The following QTGAL variants were observed in gnomAD, a reference collection of about 807,000 sequenced individuals.
QTGAL encodes BGnT-like protein 1.
chr17:82,982,608 G>T, the QTGAL span, among the ~76,000 whole-genome samples: 1 of 131,588 alleles, frequency 7.6e-6, no homozygotes, highest in East Asian at 2.1e-4. Flanking sequence ...ACCAAATCTG[G>T]TGCCTTGATC....
the QTGAL span, among the ~76,000 whole-genome samples, chr17:83,011,938 C>T: frequency 4.0e-5 from 6 of 151,138 alleles, no homozygotes; most frequent in African/African-American, 1.5e-4. Flanking sequence ...ACACACGCCA[C>T]GAACTCCTCG....
chr17:82,948,837 T>C, the QTGAL span: 1 of 152,234 alleles, frequency 6.6e-6, no homozygotes, highest in South Asian at 2.1e-4. Flanking sequence ...AATTAAAAAC[T>C]AGAAATCCCA....
chr17:82,987,439 G>C, the QTGAL span, among the ~76,000 whole-genome samples: 1 of 152,120 alleles, frequency 6.6e-6, no homozygotes, highest in Non-Finnish European at 1.5e-5. Flanking sequence ...AAACACTCAA[G>C]TACACTAATG....
chr17:82,961,054 C>T, the QTGAL span: 1 of 1,607,862 alleles, frequency 6.2e-7, no homozygotes, highest in Middle Eastern at 2.0e-4. Flanking sequence ...GGGGCTGACT[C>T]ACTCGAGGAC....
chr17:83,032,035 C>T, the QTGAL span, among the ~76,000 whole-genome samples: 1 of 152,142 alleles, frequency 6.6e-6, no homozygotes, highest in Non-Finnish European at 1.5e-5. Context: ...ACAACCGGGT[C>T]AGACCAGGCC....
At chr17:82,964,406 T>A in the QTGAL span, among the ~76,000 whole-genome samples, 1 of 151,442 alleles carries the variant, frequency 6.6e-6, no homozygotes. Flanking sequence ...GTGAAAAGGG[T>A]TAGAAAGACT....
chr17:83,045,137 T>A, the QTGAL span, among the ~76,000 whole-genome samples: 7 of 152,316 alleles, frequency 4.6e-5, no homozygotes, highest in East Asian at 1.2e-3. Context: ...GTTTATCCCC[T>A]AGAAATGAGC....
chr17:82,970,584 C>T, the QTGAL span, among the ~76,000 whole-genome samples: 2,176 of 44,678 alleles, frequency 0.049, 297 homozygotes, highest in African/African-American at 0.14. Context: ...GGCGTGGCCG[C>T]GACCTCCGCA....
At chr17:83,028,449 CA>C in the QTGAL span, among the ~76,000 whole-genome samples, 1 of 147,290 alleles carries the variant, frequency 6.8e-6, no homozygotes, top group African/African-American at 2.5e-5. Flanking sequence ...GCGTGAACCC[CA>C]GGGGGCGGAG....
At chr17:82,971,283 G>A in the QTGAL span, among the ~76,000 whole-genome samples, 233 of 152,324 alleles carry the variant, frequency 1.5e-3, 1 homozygote, top group African/African-American at 5.5e-3. Flanking sequence ...CCAGAAACAA[G>A]AGCATAAGGA....
At chr17:82,997,371 A>T in the QTGAL span, among the ~76,000 whole-genome samples, 2 of 152,322 alleles carry the variant, frequency 1.3e-5, no homozygotes, top group East Asian at 3.9e-4. Flanking sequence ...TTTATCCAAA[A>T]AATCAGTCCA....
chr17:83,014,106 A>G, the QTGAL span, among the ~76,000 whole-genome samples: 5 of 152,198 alleles, frequency 3.3e-5, no homozygotes, highest in Admixed American at 6.5e-5. Flanking sequence ...AAAAACCGTA[A>G]TTTAAGATCG....
At chr17:82,959,200 G>GTGTT in the QTGAL span, among the ~76,000 whole-genome samples, 3 of 151,914 alleles carry the variant, frequency 2.0e-5, no homozygotes, top group African/African-American at 7.3e-5. Flanking sequence ...GTGTGTGCAG[G>GTGTT]TGTTCGGAGT....
chr17:82,970,839 G>A, the QTGAL span, among the ~76,000 whole-genome samples: 2 of 152,354 alleles, frequency 1.3e-5, no homozygotes, highest in East Asian at 3.9e-4. Flanking sequence ...TAGGACATTT[G>A]GCTCATGCTT....
the QTGAL span, chr17:83,048,946 G>A: frequency 6.3e-6 from 4 of 637,208 alleles, no homozygotes; most frequent in Admixed American, 5.7e-5. Flanking sequence ...GATTCTTTAC[G>A]TCTTAGCTTT....
chr17:82,950,493 G>A, the QTGAL span, among the ~76,000 whole-genome samples: 1 of 152,186 alleles, frequency 6.6e-6, no homozygotes, highest in Non-Finnish European at 1.5e-5. Flanking sequence ...GATTCGTGTA[G>A]AATTTGCATT....
At chr17:82,960,140 C>G in the QTGAL span, among the ~76,000 whole-genome samples, 1 of 152,146 alleles carries the variant, frequency 6.6e-6, no homozygotes, top group African/African-American at 2.4e-5. Flanking sequence ...GCGGGAGGCC[C>G]CAGCATGCAG....
At chr17:83,008,085 C>T in the QTGAL span, among the ~76,000 whole-genome samples, 37 of 152,330 alleles carry the variant, frequency 2.4e-4, no homozygotes, top group Middle Eastern at 3.4e-3. Flanking sequence ...GAGGAGGAGG[C>T]GCAGGGAAGA....
At chr17:82,952,219 C>G in the QTGAL span, among the ~76,000 whole-genome samples, 2 of 152,156 alleles carry the variant, frequency 1.3e-5, no homozygotes, top group African/African-American at 2.4e-5. Flanking sequence ...ACACGCTGGC[C>G]TCACGGCTTC....
Sources: allele counts gnomAD v4.1 joint callset (sites outside exome capture counted in the v4.1 genomes callset), GRCh38; gene constraint gnomAD v4.1.1; transcripts MANE v1.5; gene names NCBI Gene and HGNC (gene_info 2026-07-23, HGNC 2026-07-21).